Variants in ANGPT1 observed in about 807,000 individuals in gnomAD.
ANGPT1 encodes angiopoietin-1.
In ANGPT1, 17 loss-of-function variants were observed where a neutral mutation model predicts 62.2. That is an observed-to-expected ratio of 0.27 (90% CI 0.19 to 0.41). The LOEUF (loss-of-function observed/expected upper bound fraction) is 0.41, where lower values mean the gene tolerates loss of function less well. ANGPT1 is among the 10% of genes least tolerant of loss of function. The pLI, the probability that ANGPT1 is intolerant of heterozygous loss-of-function variation, is 1.00. For missense variants in ANGPT1, 478 were observed against 594.9 expected (o/e 0.80, Z 2.04); for synonymous variants, 199 against 198.9 (o/e 1.00, Z 0.00).
At chr8:107,410,460 G>A (rs1052613407) in intron 1 of ANGPT1, among the ~76,000 whole-genome samples, 5 of 152,084 alleles carry the variant, frequency 3.3e-5, no homozygotes, top group African/African-American at 1.2e-4. Context: ...CAGTCCGCAG[G>A]TGACCTATGA....
chr8:107,487,971 A>T (rs1248014869), intron 1 of ANGPT1, among the ~76,000 whole-genome samples: 1 of 152,194 alleles, frequency 6.6e-6, no homozygotes, highest in African/African-American at 2.4e-5. Context: ...ATATGAGGCA[A>T]TCATCAAATA....
At chr8:107,336,344 G>A (rs1586235401) in intron 2 of ANGPT1, 73 bp from the exon 3 acceptor site, 5 of 1,506,596 alleles carry the variant, frequency 3.3e-6, no homozygotes, top group Non-Finnish European at 4.4e-6. Flanking sequence ...TTATTTTGTC[G>A]TTAAATATTT....
chr8:107,378,321 G>A (rs541501440), intron 1 of ANGPT1, among the ~76,000 whole-genome samples: 1 of 152,276 alleles, frequency 6.6e-6, no homozygotes, highest in South Asian at 2.1e-4. Flanking sequence ...GAAGCAAGTA[G>A]TGAGAAAGGT....
At chr8:107,488,335 T>C (rs1458210577) in intron 1 of ANGPT1, among the ~76,000 whole-genome samples, 3 of 152,202 alleles carry the variant, frequency 2.0e-5, no homozygotes, top group Admixed American at 2.0e-4. Context: ...ATTTGAAAGT[T>C]TTCTTGCAGC....
chr8:107,421,037 A>C (rs981316879), intron 1 of ANGPT1, among the ~76,000 whole-genome samples: 1 of 152,120 alleles, frequency 6.6e-6, no homozygotes, highest in Non-Finnish European at 1.5e-5. Flanking sequence ...TAATTCTTCT[A>C]TTTGGAATTT....
chr8:107,391,732 A>C (rs1816839659), intron 1 of ANGPT1, among the ~76,000 whole-genome samples: 1 of 152,336 alleles, frequency 6.6e-6, no homozygotes, highest in Non-Finnish European at 1.5e-5. Context: ...GGGATAGCCT[A>C]GTATACACCT....
chr8:107,474,870 C>T (rs534870928), intron 1 of ANGPT1, among the ~76,000 whole-genome samples: 1 of 152,276 alleles, frequency 6.6e-6, no homozygotes, highest in African/African-American at 2.4e-5. Context: ...AGGAATTCAA[C>T]TTACAAGGGA....
chr8:107,333,114 G>T (rs1815462203), intron 3 of ANGPT1, among the ~76,000 whole-genome samples: 1 of 152,138 alleles, frequency 6.6e-6, no homozygotes, highest in Admixed American at 6.5e-5. Flanking sequence ...GGGAAAGTAT[G>T]CTATGTATCA....
rs773632656 is a variant in ANGPT1, at chr8:107,310,947, GTGTA to G, written c.809-7584_809-7581del. ...TATGTGTTAGTGTGAGTGTGTGTGT[GTGTA>G]TGTATGTGTGTGTGTATGAGTGTGT... On this transcript the variant is annotated intron_variant, in intron 4 of 8. Transcript: ENST00000517746. Among the ~76,000 whole-genome samples, 175 of 95,754 alleles carry G rather than the reference GTGTA, an allele frequency of 1.8e-3. 1 individual carries two copies. Among genetic ancestry groups the G allele is most frequent in the Admixed American group, 5.6e-3 (40 of 7,116 alleles). 62.8% of individuals were successfully genotyped at this position (95,754 alleles called of 152,430 possible).
intron 1 of ANGPT1, among the ~76,000 whole-genome samples, chr8:107,483,899 A>G (rs1464336921): frequency 1.3e-5 from 2 of 152,236 alleles, no homozygotes; most frequent in African/African-American, 4.8e-5. Context: ...AAAAATAGCA[A>G]TGAATTATTT....
chr8:107,416,398 C>T (rs1430691677), intron 1 of ANGPT1, among the ~76,000 whole-genome samples: 3 of 152,124 alleles, frequency 2.0e-5, no homozygotes, highest in African/African-American at 7.2e-5. Context: ...CCAGATGCAG[C>T]GATACATAGA....
chr8:107,419,638 G>A (rs973977462), intron 1 of ANGPT1, among the ~76,000 whole-genome samples: 2 of 152,058 alleles, frequency 1.3e-5, no homozygotes, highest in Non-Finnish European at 2.9e-5. Context: ...GTCTTTGTCA[G>A]TTTTATTTTC....
At chr8:107,265,400 C>T (rs1282166241) in intron 7 of ANGPT1, among the ~76,000 whole-genome samples, 1 of 152,138 alleles carries the variant, frequency 6.6e-6, no homozygotes, top group African/African-American at 2.4e-5. Flanking sequence ...TCCTACTGAT[C>T]GTACAAGCTG....
chr8:107,359,140 C>T (rs1816108943), intron 1 of ANGPT1, among the ~76,000 whole-genome samples: 1 of 152,040 alleles, frequency 6.6e-6, no homozygotes, highest in Admixed American at 6.6e-5. Context: ...ACTGTAATTA[C>T]AGGACTGAGT....
rs115669203 is a variant in ANGPT1, at chr8:107,255,633, G to C, written c.1337-3618C>G. On this transcript the variant is annotated intron_variant, in intron 8 of 8. Coordinates refer to ENST00000517746, the MANE Select transcript of ANGPT1 (RefSeq NM_001146.5). The stretch of plus-strand genomic sequence containing the variant: ...TTTTATCCCCCAAACAGCCTTAAGT[G>C]ATGTGGCAAGTACCATAATAAAGAT... Among the ~76,000 whole-genome samples the C allele has an allele frequency of 5.3e-3, 803 of 152,256 alleles. 13 individuals carry two copies. Among genetic ancestry groups the C allele is most frequent in the African/African-American group, 0.019 (772 of 41,546 alleles).
chr8:107,488,590 T>TTAAA (rs1326974729), intron 1 of ANGPT1, among the ~76,000 whole-genome samples: 3 of 152,242 alleles, frequency 2.0e-5, no homozygotes, highest in Non-Finnish European at 4.4e-5. Flanking sequence ...TTTTAAGTTA[T>TTAAA]TAAATATTCA....
chr8:107,312,389 C>T (rs1814895587), intron 4 of ANGPT1, among the ~76,000 whole-genome samples: 1 of 152,144 alleles, frequency 6.6e-6, no homozygotes, highest in Non-Finnish European at 1.5e-5. Context: ...ATCTTTTGTG[C>T]TCTGCTATGA....
intron 3 of ANGPT1, among the ~76,000 whole-genome samples, chr8:107,323,557 G>A (rs1244515162): frequency 6.6e-6 from 1 of 152,120 alleles, no homozygotes; most frequent in East Asian, 1.9e-4. Flanking sequence ...AGAAGTGTGG[G>A]TCCAAGGCTT....
intron 1 of ANGPT1, among the ~76,000 whole-genome samples, chr8:107,384,321 C>A (rs1428090348): frequency 6.6e-6 from 1 of 152,032 alleles, no homozygotes; most frequent in Non-Finnish European, 1.5e-5. Flanking sequence ...TTTTCTGATT[C>A]TCAATAATAT....
Sources: gnomAD v4.1 joint callset for allele counts (sites outside exome capture counted in the v4.1 genomes callset) on GRCh38, gnomAD v4.1.1 for gene constraint, MANE v1.5 for transcripts, NCBI Gene and HGNC (gene_info 2026-07-23, HGNC 2026-07-21) for gene names.